RCOR1: variants seen among roughly 807,000 people sequenced by gnomAD.
The protein encoded by RCOR1 is REST corepressor 1.
In RCOR1, 12 loss-of-function variants were observed where a neutral mutation model predicts 64.0. The ratio of observed to expected loss-of-function variants is 0.19; its 90% CI spans 0.12 to 0.30. RCOR1 has a LOEUF of 0.30. Ranked by LOEUF, RCOR1 falls within the 10% of genes least tolerant of loss-of-function variation. RCOR1 has a pLI of 1.00. For synonymous variants in RCOR1, 279 were observed against 227.2 expected (o/e 1.23, Z -2.05); for missense variants, 502 against 621.2 (o/e 0.81, Z 2.04).
In RCOR1 at chr14:102,729,104, A is replaced by T. The variant is rs1009235109; in HGVS notation, c.*2598A>T. 3 of 152,622 alleles carry T rather than the reference A, an allele frequency of 2.0e-5. No homozygotes were observed. Among genetic ancestry groups the T allele is most frequent in the Non-Finnish European group, 4.4e-5 (3 of 68,040 alleles). 9.5% of individuals were successfully genotyped at this position (152,622 alleles called of 1,614,324 possible). A position where few individuals can be genotyped will look rare whatever the true frequency, so the allele number is the denominator to read the frequency against. On this transcript the variant is annotated 3_prime_UTR_variant, in exon 12 of 12. Transcript: ENST00000262241. The stretch of plus-strand genomic sequence containing the variant: ...AATTATCAATGTGAATGTCATAATT[A>T]TATATATTTTTGTGGAAAATTTTCT...
Position 102,596,901 on chromosome 14 carries a change from CTT to C in RCOR1, c.361+3577_361+3578del, listed in dbSNP as rs1207164211. On this transcript the variant is annotated intron_variant, in intron 2 of 11. Coordinates refer to ENST00000262241, the MANE Select transcript of RCOR1 (RefSeq NM_015156.4). ...TTTTTTTTTTTTTTTGAGACGGAGT[CTT>C]GATCTGTTGCCCAGGCTGGAGTGCA... Among the ~76,000 whole-genome samples, 10 of 117,058 alleles carry C rather than the reference CTT, an allele frequency of 8.5e-5. No homozygotes were observed. In the East Asian group the frequency reaches 2.7e-3, roughly 32 times the overall value. 76.8% of individuals were successfully genotyped at this position (117,058 alleles called of 152,430 possible).
intron 2 of RCOR1, among the ~76,000 whole-genome samples, chr14:102,605,067 C>CAAAAAAA: frequency 1.1e-5 from 1 of 93,996 alleles, no homozygotes; most frequent in Non-Finnish European, 2.1e-5. Context: ...TATTCCATCT[C>CAAAAAAA]AAAAAAAAAA....
chr14:102,637,904 T>G (rs1894279414), intron 2 of RCOR1, among the ~76,000 whole-genome samples: 1 of 152,222 alleles, frequency 6.6e-6, no homozygotes, highest in South Asian at 2.1e-4. Flanking sequence ...TGTCTTACAG[T>G]GTTCAAACAC....
Position 102,722,397 on chromosome 14 carries a change from T to A in RCOR1, c.1400T>A (p.Met467Lys). ...AAGTCCCCAGATAATTCCATTAAGA[T>A]GCCCGAAGAGGAAGACGAGGTAAAT... ...PVKSPDNSIK[M>K]PEEEDEAPVL... The change falls in exon 11 of 12, where the codon ATG (methionine) becomes AAG (lysine). Residue 467 changes from methionine (M) to lysine (K), a missense_variant. By Grantham distance (95) the Met-to-Lys change is moderately conservative. Coordinates refer to ENST00000262241, the MANE Select transcript of RCOR1 (RefSeq NM_015156.4). The A allele has an allele frequency of 6.2e-7, 1 of 1,613,158 alleles. No homozygotes were observed. Among genetic ancestry groups the A allele is most frequent in the South Asian group, 1.1e-5 (1 of 90,970 alleles).
rs745786381 is a variant in RCOR1 at position 102,721,371 on chromosome 14, G to A, written c.1183G>A (p.Val395Ile). ...RWTTEEQLLA[V>I]QAIRKYGRDF... The stretch of plus-strand genomic sequence containing the variant: ...GACTACAGAAGAGCAGCTTCTCGCC[G>A]TACAAGGTAGGGGGAAGTTCTTCTA... Residue 395 changes from valine to isoleucine, a missense_variant, in exon 10 of 12, where the codon GTA becomes ATA. By Grantham distance (29) the Val-to-Ile change is conservative. Coordinates refer to ENST00000262241, the MANE Select transcript of RCOR1 (RefSeq NM_015156.4). 46 of 1,612,266 alleles carry A rather than the reference G, an allele frequency of 2.9e-5. No individual in the cohort carries two copies. Among genetic ancestry groups the A allele is most frequent in the East Asian group, 2.7e-4 (12 of 44,870 alleles).
intron 2 of RCOR1, among the ~76,000 whole-genome samples, chr14:102,617,149 T>A (rs1298026258): frequency 6.6e-6 from 1 of 152,172 alleles, no homozygotes; most frequent in African/African-American, 2.4e-5. Flanking sequence ...ACAGTGCAGA[T>A]GAGAACAAAG....
intron 2 of RCOR1, among the ~76,000 whole-genome samples, chr14:102,632,680 T>TTTTCCTTTTCCTTTTCCTTTTCCTTTCC (rs1894145708): frequency 1.2e-5 from 1 of 83,220 alleles, no homozygotes; most frequent in Non-Finnish European, 2.6e-5. Flanking sequence ...TTTCCTTTCC[T>TTTTCCTTTTCCTTTTCCTTTTCCTTTCC]TTTCCTTTTC....
chr14:102,695,498 A>AAAAGAAGG (rs1211887205), intron 3 of RCOR1: 3 of 152,084 alleles, frequency 2.0e-5, no homozygotes, highest in Non-Finnish European at 4.4e-5. Context: ...GGTCTTTTTT[A>AAAAGAAGG]AAAGAAGGAA....
At chr14:102,606,193 T>A (rs1485054299) in intron 2 of RCOR1, among the ~76,000 whole-genome samples, 1 of 152,224 alleles carries the variant, frequency 6.6e-6, no homozygotes, top group Non-Finnish European at 1.5e-5. Flanking sequence ...CCGAAAGTGC[T>A]GGGATTACAG....
chr14:102,660,384 CT>C (rs555784516), intron 2 of RCOR1, among the ~76,000 whole-genome samples: 16 of 150,858 alleles, frequency 1.1e-4, no homozygotes, highest in Non-Finnish European at 1.9e-4. Context: ...CTGTAATTAA[CT>C]TCTTTCCCCC....
chr14:102,672,008 GT>G (rs1347864038), intron 2 of RCOR1, among the ~76,000 whole-genome samples: 6 of 152,082 alleles, frequency 3.9e-5, no homozygotes, highest in African/African-American at 1.4e-4. Context: ...ATGTGTTAGT[GT>G]TTTATTTTCA....
Position 102,726,908 on chromosome 14 carries a change from C to T in RCOR1, c.*402C>T. 5.1e-6 allele frequency: 1 copy of T among 195,706 alleles called. No individual in the cohort carries two copies. Among genetic ancestry groups the T allele is most frequent in the Non-Finnish European group, 1.0e-5 (1 of 97,468 alleles). The allele number at this position is 195,706 out of a possible 1,614,324, so 12.1% of individuals were successfully genotyped here. A position where few individuals can be genotyped will look rare whatever the true frequency, so the allele number is the denominator to read the frequency against. On this transcript the variant is annotated 3_prime_UTR_variant, in exon 12 of 12. Transcript: ENST00000262241. ...CATGGCCTGCAGTTTCTACTTTGTGCATAGAGTCATTTTCAGAGTCACCGC... is the reference window on the plus strand; with the variant it reads ...CATGGCCTGCAGTTTCTACTTTGTGTATAGAGTCATTTTCAGAGTCACCGC...
At position 102,730,047 on chromosome 14, in the gene RCOR1, C is replaced by T. The variant is rs145715994; in HGVS notation, c.*3541C>T. The T allele has an allele frequency of 2.5e-6, 1 of 399,068 alleles. No homozygotes were observed. Among genetic ancestry groups the T allele is most frequent in the Non-Finnish European group, 4.4e-6 (1 of 226,064 alleles). The allele number at this position is 399,068 out of a possible 1,614,324, so 24.7% of individuals were successfully genotyped here. A position where few individuals can be genotyped will look rare whatever the true frequency, so the allele number is the denominator to read the frequency against. ...CTTACCTGTCTTACCTGTAGTAAAG[C>T]ACAATTGCAGTGGCGTCGCATTCAG... On this transcript the variant is annotated 3_prime_UTR_variant, in exon 12 of 12. Coordinates refer to ENST00000262241, the MANE Select transcript of RCOR1 (RefSeq NM_015156.4).
chr14:102,730,056 A>T lies in RCOR1; in HGVS notation c.*3550A>T, dbSNP rs1896340606. 2.5e-6 allele frequency: 1 copy of T among 398,952 alleles called. No individual in the cohort carries two copies. The highest frequency in any genetic ancestry group is 2.1e-5 in the African/African-American group (1 of 48,638). 24.7% of individuals were successfully genotyped at this position (398,952 alleles called of 1,614,324 possible). On this transcript the variant is annotated 3_prime_UTR_variant, in exon 12 of 12. Transcript: ENST00000262241. Reference sequence around the variant, plus strand: ...CTTACCTGTAGTAAAGCACAATTGCAGTGGCGTCGCATTCAGAAGAAGGGA... The same window carrying T: ...CTTACCTGTAGTAAAGCACAATTGCTGTGGCGTCGCATTCAGAAGAAGGGA...
chr14:102,673,330 C>T (rs1324733999), intron 2 of RCOR1, among the ~76,000 whole-genome samples: 2 of 149,830 alleles, frequency 1.3e-5, no homozygotes, highest in African/African-American at 5.0e-5. Flanking sequence ...TTATCCAATC[C>T]CTGATTTTTT....
intron 8 of RCOR1, among the ~76,000 whole-genome samples, chr14:102,716,896 A>G (rs1415753904): frequency 6.6e-6 from 1 of 152,194 alleles, no homozygotes; most frequent in Non-Finnish European, 1.5e-5. Context: ...ATTGTATTGC[A>G]TCTATAGATA....
At chr14:102,648,575 C>G (rs1894520998) in intron 2 of RCOR1, among the ~76,000 whole-genome samples, 1 of 152,132 alleles carries the variant, frequency 6.6e-6, no homozygotes, top group Non-Finnish European at 1.5e-5. Flanking sequence ...GTTTTCAGCC[C>G]TCTTAGTGGG....
intron 2 of RCOR1, among the ~76,000 whole-genome samples, chr14:102,614,542 T>C (rs555640734): frequency 1.3e-5 from 2 of 152,174 alleles, no homozygotes; most frequent in East Asian, 1.9e-4. Context: ...TCTTTTTAAA[T>C]GTCAGATATT....
At chr14:102,605,582 C>T (rs1451137999) in intron 2 of RCOR1, among the ~76,000 whole-genome samples, 1 of 152,086 alleles carries the variant, frequency 6.6e-6, no homozygotes, top group South Asian at 2.1e-4. Context: ...TACTGCACTG[C>T]CAGTCTTACA....
Sources: gnomAD v4.1 joint callset for allele counts (sites outside exome capture counted in the v4.1 genomes callset) on GRCh38, gnomAD v4.1.1 for gene constraint, MANE v1.5 for transcripts, NCBI Gene and HGNC (gene_info 2026-07-23, HGNC 2026-07-21) for gene names.